Variants in SPMIP2 observed in about 807,000 individuals in gnomAD.
The protein encoded by SPMIP2 is protein SPMIP2.
chr4:159,061,550 G>A, the SPMIP2 span, among the ~76,000 whole-genome samples: 7 of 151,956 alleles, frequency 4.6e-5, no homozygotes, highest in East Asian at 1.2e-3. Flanking sequence ...GCTCACACCT[G>A]TAATCCCAGC....
chr4:159,055,111 T>A, the SPMIP2 span, among the ~76,000 whole-genome samples: 1 of 152,176 alleles, frequency 6.6e-6, no homozygotes, highest in Non-Finnish European at 1.5e-5. Context: ...CTTTTCTATT[T>A]CTGGAGAGAT....
chr4:159,042,996 T>C, the SPMIP2 span, among the ~76,000 whole-genome samples: 1 of 152,144 alleles, frequency 6.6e-6, no homozygotes, highest in Non-Finnish European at 1.5e-5. Flanking sequence ...TCCTCTACTC[T>C]GACCCCCAGG....
chr4:159,017,915 G>C, the SPMIP2 span, among the ~76,000 whole-genome samples: 1 of 152,206 alleles, frequency 6.6e-6, no homozygotes, highest in African/African-American at 2.4e-5. Context: ...GCTAGAATAA[G>C]AATGCATCAC....
chr4:159,030,106 A>T, the SPMIP2 span, among the ~76,000 whole-genome samples: 2 of 152,214 alleles, frequency 1.3e-5, no homozygotes, highest in African/African-American at 4.8e-5. Context: ...CTGTAGTTAT[A>T]AATGACAAAT....
At chr4:158,945,328 G>A in the SPMIP2 span, among the ~76,000 whole-genome samples, 10 of 151,444 alleles carry the variant, frequency 6.6e-5, no homozygotes, top group African/African-American at 1.2e-4. Flanking sequence ...TGCTCTGGCC[G>A]TGGGTTTCAG....
chr4:159,060,952 G>T, the SPMIP2 span, among the ~76,000 whole-genome samples: 1 of 152,016 alleles, frequency 6.6e-6, no homozygotes, highest in East Asian at 1.9e-4. Flanking sequence ...GGCTGTGGTT[G>T]CATGCACCTA....
chr4:159,066,046 T>C, the SPMIP2 span, among the ~76,000 whole-genome samples: 1 of 152,088 alleles, frequency 6.6e-6, no homozygotes, highest in African/African-American at 2.4e-5. Flanking sequence ...TCAAGCCTCC[T>C]AAATAGCTTC....
chr4:159,043,391 G>A, the SPMIP2 span, among the ~76,000 whole-genome samples: 2 of 152,072 alleles, frequency 1.3e-5, no homozygotes, highest in Non-Finnish European at 2.9e-5. Flanking sequence ...CTGTCGCCCA[G>A]GCTGGAGTGC....
the SPMIP2 span, among the ~76,000 whole-genome samples, chr4:159,054,087 G>A: frequency 9.2e-4 from 140 of 152,208 alleles, no homozygotes; most frequent in African/African-American, 3.1e-3. Flanking sequence ...CAGTCTTCCT[G>A]CTTCACCTCC....
At chr4:159,027,956 G>C in the SPMIP2 span, among the ~76,000 whole-genome samples, 1 of 152,148 alleles carries the variant, frequency 6.6e-6, no homozygotes, top group African/African-American at 2.4e-5. Context: ...TTGTAAGGTA[G>C]AGTTCTGTAA....
At chr4:158,937,037 G>A in the SPMIP2 span, among the ~76,000 whole-genome samples, 14 of 152,300 alleles carry the variant, frequency 9.2e-5, no homozygotes, top group East Asian at 7.7e-4. Context: ...AAGGAGGAAC[G>A]GGGGAAACCA....
the SPMIP2 span, among the ~76,000 whole-genome samples, chr4:159,016,723 G>A: frequency 2.6e-5 from 4 of 152,126 alleles, no homozygotes; most frequent in African/African-American, 7.2e-5. Flanking sequence ...TTTCAATTTC[G>A]CTTTTTTGAC....
chr4:158,983,054 G>A, the SPMIP2 span, among the ~76,000 whole-genome samples: 2 of 152,116 alleles, frequency 1.3e-5, no homozygotes, highest in African/African-American at 2.4e-5. Context: ...TGGAAGAAAG[G>A]GTATCAGTGA....
At chr4:159,077,971 T>C in the SPMIP2 span, among the ~76,000 whole-genome samples, 5 of 151,958 alleles carry the variant, frequency 3.3e-5, no homozygotes, top group Non-Finnish European at 4.4e-5. Context: ...TAATCAAGAG[T>C]CTCAAGTTTA....
the SPMIP2 span, among the ~76,000 whole-genome samples, chr4:158,934,465 A>C: frequency 6.6e-6 from 1 of 150,508 alleles, no homozygotes; most frequent in Non-Finnish European, 1.5e-5. Flanking sequence ...CAGTCTCAAA[A>C]ATAAAATAAA....
the SPMIP2 span, among the ~76,000 whole-genome samples, chr4:158,920,201 T>C: frequency 1.1e-3 from 162 of 152,332 alleles, no homozygotes; most frequent in Non-Finnish European, 1.7e-3. Flanking sequence ...AGGATGTACG[T>C]CACCTCAGGA....
chr4:158,995,713 T>C, the SPMIP2 span, among the ~76,000 whole-genome samples: 1 of 151,798 alleles, frequency 6.6e-6, no homozygotes, highest in Non-Finnish European at 1.5e-5. Flanking sequence ...AAAAATTAGC[T>C]GGGCGTGGTG....
the SPMIP2 span, among the ~76,000 whole-genome samples, chr4:158,982,353 T>A: frequency 6.6e-6 from 1 of 152,166 alleles, no homozygotes; most frequent in South Asian, 2.1e-4. Flanking sequence ...GGACTTGAAC[T>A]CGGCTCTGGA....
chr4:158,918,376 G>C, the SPMIP2 span, among the ~76,000 whole-genome samples: 1 of 152,212 alleles, frequency 6.6e-6, no homozygotes, highest in Non-Finnish European at 1.5e-5. Flanking sequence ...CAGATTAATA[G>C]CTGGAAATAA....
Sources: gnomAD v4.1 joint callset for allele counts (sites outside exome capture counted in the v4.1 genomes callset) on GRCh38, gnomAD v4.1.1 for gene constraint, MANE v1.5 for transcripts, NCBI Gene and HGNC (gene_info 2026-07-23, HGNC 2026-07-21) for gene names.